Variants in ERI1 observed in about 807,000 individuals in gnomAD.
The protein encoded by ERI1 is 3'-5' exoribonuclease 1.
In ERI1, 39 loss-of-function variants were observed where a neutral mutation model predicts 39.7. The observed-to-expected ratio is 0.98, with a 90% CI of 0.76 to 1.28. ERI1 has a LOEUF of 1.28. ERI1 is among the 50% of genes most tolerant of loss of function. The probability of loss-of-function intolerance (pLI) is 0.00; values close to 1 mark genes in which losing one functional copy is unlikely to be tolerated. For synonymous variants in ERI1, 204 were observed against 149.6 expected, an observed-to-expected ratio of 1.36 and a Z score of -2.65; for missense variants, 581 against 416.9, an observed-to-expected ratio of 1.39 and a Z score of -3.43.
intron 2 of ERI1, among the ~76,000 whole-genome samples, chr8:9,008,736 C>T (rs768016413): frequency 4.0e-5 from 6 of 151,776 alleles, no homozygotes; most frequent in Admixed American, 1.3e-4. Flanking sequence ...AATCACTTTA[C>T]GTTCATTGGG....
intron 3 of ERI1, among the ~76,000 whole-genome samples, chr8:9,052,561 G>C (rs1483906293): frequency 2.0e-5 from 3 of 152,152 alleles, no homozygotes; most frequent in Non-Finnish European, 4.4e-5. Context: ...GAACATGCTA[G>C]GTGCACACGT....
chr8:9,076,808 G>C (rs1364213653), intron 3 of ERI1, among the ~76,000 whole-genome samples: 1 of 152,238 alleles, frequency 6.6e-6, no homozygotes, highest in Non-Finnish European at 1.5e-5. Context: ...GCGGGGATGT[G>C]TGTTCTCCTG....
rs569624862 is a variant in ERI1 at position 9,023,424 on chromosome 8, A to G, written c.807+2960A>G. ...TTATTAAAAATTAATAAACCTTAAA[A>G]TAATTTTCAGTCAGTTATGCATAAA... On this transcript the variant is annotated intron_variant, in intron 6 of 6. Transcript: ENST00000250263. Among the ~76,000 whole-genome samples, 11 of 152,312 alleles carry G rather than the reference A, an allele frequency of 7.2e-5. No individual in the cohort carries two copies. In the South Asian group the frequency reaches 2.3e-3, roughly 32 times the overall value.
intron 3 of ERI1, among the ~76,000 whole-genome samples, chr8:9,077,873 T>TC (rs1563092013): frequency 6.6e-6 from 1 of 152,160 alleles, no homozygotes; most frequent in Non-Finnish European, 1.5e-5. Flanking sequence ...TTTTTTCTGA[T>TC]CCCCAACACC....
chr8:9,029,469 C>T (rs537056608), intron 6 of ERI1, among the ~76,000 whole-genome samples: 1 of 152,108 alleles, frequency 6.6e-6, no homozygotes, highest in Non-Finnish European at 1.5e-5. Context: ...GCTGGCATTA[C>T]AGATGTGCAC....
intron 3 of ERI1, among the ~76,000 whole-genome samples, chr8:9,072,250 G>A (rs539116551): frequency 2.0e-5 from 3 of 152,118 alleles, no homozygotes; most frequent in Non-Finnish European, 4.4e-5. Flanking sequence ...GTTGAGTCTT[G>A]TTTTCATACC....
rs1170967059 is a variant in ERI1 at position 9,030,539 on chromosome 8, G to A, written c.*505G>A. The A allele has an allele frequency of 2.5e-5, 4 of 157,238 alleles. No individual in the cohort carries two copies. The highest frequency in any genetic ancestry group is 1.8e-4 in the South Asian group (1 of 5,486). 9.7% of individuals were successfully genotyped at this position (157,238 alleles called of 1,614,324 possible). A position where few individuals can be genotyped will look rare whatever the true frequency, so the allele number is the denominator to read the frequency against. On this transcript the variant is annotated 3_prime_UTR_variant, in exon 7 of 7. Coordinates refer to ENST00000250263, the MANE Select transcript of ERI1 (RefSeq NM_153332.4). The stretch of plus-strand genomic sequence containing the variant: ...ATGTGAAGTTCACCATGTATGTGGT[G>A]AATTTCGTAAGGTACTTGGTATACA...
chr8:9,064,096 C>G (rs1393806867), intron 3 of ERI1, among the ~76,000 whole-genome samples: 1 of 150,790 alleles, frequency 6.6e-6, no homozygotes, highest in Non-Finnish European at 1.5e-5. Context: ...AATAAGGGGT[C>G]AGGGTGCAGA....
intron 3 of ERI1, among the ~76,000 whole-genome samples, chr8:9,015,896 A>C (rs1015514578): frequency 1.3e-5 from 2 of 152,160 alleles, no homozygotes; most frequent in African/African-American, 4.8e-5. Flanking sequence ...ACTATTCAGG[A>C]GTAAATGAGA....
rs1490895150 is a variant in ERI1, at chr8:9,017,363, A to AT, written c.583-928dup. Reference sequence around the variant, plus strand: ...TGTTTCATGAATTTTTAGGTCTCTGATTTTTTATTGTATTCTAATGTGGTA... The same window carrying AT: ...TGTTTCATGAATTTTTAGGTCTCTGATTTTTTTATTGTATTCTAATGTGGTA... On this transcript the variant is annotated intron_variant, in intron 4 of 6. Transcript: ENST00000250263. Among the ~76,000 whole-genome samples, 4 of 152,166 alleles carry AT rather than the reference A, an allele frequency of 2.6e-5. No individual in the cohort carries two copies. In the East Asian group the frequency reaches 7.7e-4, roughly 29 times the overall value.
intron 3 of ERI1, among the ~76,000 whole-genome samples, chr8:9,074,470 C>G (rs10105124): frequency 0.039 from 5,912 of 152,204 alleles, 362 homozygotes; most frequent in African/African-American, 0.13. Context: ...GAGACAAGGT[C>G]TTGCTCTGTC....
chr8:9,044,596 A>T (rs528268204), intron 3 of ERI1, among the ~76,000 whole-genome samples: 1 of 152,130 alleles, frequency 6.6e-6, no homozygotes, highest in Non-Finnish European at 1.5e-5. Flanking sequence ...GCAAAGCTTA[A>T]TGGACTAGGG....
chr8:9,073,167 C>A (rs1261212917), intron 3 of ERI1, among the ~76,000 whole-genome samples: 1 of 152,240 alleles, frequency 6.6e-6, no homozygotes, highest in South Asian at 2.1e-4. Flanking sequence ...CACCTGGCCT[C>A]ATGCCTTCGG....
At chr8:9,046,884 C>T (rs575030419) in intron 3 of ERI1, among the ~76,000 whole-genome samples, 2 of 152,298 alleles carry the variant, frequency 1.3e-5, no homozygotes, top group African/African-American at 4.8e-5. Flanking sequence ...AGATGAGCTC[C>T]AGGCAGAGCC....
At chr8:9,049,258 C>A (rs1386876293) in intron 3 of ERI1, among the ~76,000 whole-genome samples, 1 of 133,966 alleles carries the variant, frequency 7.5e-6, no homozygotes, top group Non-Finnish European at 1.5e-5. Context: ...ATCGCTTGAA[C>A]TGAGGAGGCA....
chr8:9,053,949 G>T (rs552061140), intron 3 of ERI1, among the ~76,000 whole-genome samples: 2 of 152,302 alleles, frequency 1.3e-5, no homozygotes, highest in African/African-American at 4.8e-5. Flanking sequence ...GTTTTCAACA[G>T]GTTGTTTGGA....
At chr8:9,072,009 T>C (rs544965092) in intron 3 of ERI1, among the ~76,000 whole-genome samples, 1 of 152,222 alleles carries the variant, frequency 6.6e-6, no homozygotes, top group South Asian at 2.1e-4. Context: ...GAGGCTGCAG[T>C]GAGTGGAGAT....
intron 3 of ERI1, among the ~76,000 whole-genome samples, chr8:9,090,316 C>A (rs992941061): frequency 1.5e-4 from 23 of 152,132 alleles, no homozygotes; most frequent in African/African-American, 5.3e-4. Flanking sequence ...ACCTTGGTGC[C>A]AACTTGTTCT....
intron 3 of ERI1, among the ~76,000 whole-genome samples, chr8:9,090,188 A>G (rs1002142526): frequency 1.3e-5 from 2 of 152,036 alleles, no homozygotes; most frequent in African/African-American, 4.8e-5. Flanking sequence ...GCTTGACCCA[A>G]TTATGCAGAA....
Sources: gnomAD v4.1 joint callset for allele counts (sites outside exome capture counted in the v4.1 genomes callset) on GRCh38, gnomAD v4.1.1 for gene constraint, MANE v1.5 for transcripts, NCBI Gene and HGNC (gene_info 2026-07-23, HGNC 2026-07-21) for gene names.